The following RAB18 variants were observed in gnomAD, a reference collection of about 807,000 sequenced individuals.
The protein encoded by RAB18 is RAB18, member RAS oncogene family.
In RAB18, 10 loss-of-function variants were observed where a neutral mutation model predicts 28.5. The ratio of observed to expected loss-of-function variants is 0.35; its 90% CI spans 0.22 to 0.60. The LOEUF is 0.60. RAB18 is among the 20% of genes least tolerant of loss of function. The probability of loss-of-function intolerance (pLI) is 0.78; values close to 1 mark genes in which losing one functional copy is unlikely to be tolerated. For missense variants in RAB18, 188 were observed against 244.2 expected, an observed-to-expected ratio of 0.77 and a Z score of 1.53; for synonymous variants, 93 against 86.9, an observed-to-expected ratio of 1.07 and a Z score of -0.39.
At chr10:27,529,065 CTT>C (rs1417318916) in intron 3 of RAB18, among the ~76,000 whole-genome samples, 3 of 151,918 alleles carry the variant, frequency 2.0e-5, no homozygotes, top group Non-Finnish European at 4.4e-5. Context: ...ATTATTAGCT[CTT>C]TGTCATGTGG....
Position 27,504,333 on chromosome 10 carries a change from G to A in RAB18, c.-37G>A, listed in dbSNP as rs1353686517. Reference sequence around the variant, plus strand: ...TGCTGAAGGGCTGAGAGGCGCACCCGGGCGGCCAGCTGGGCTCGGAGCGGA... The same window carrying A: ...TGCTGAAGGGCTGAGAGGCGCACCCAGGCGGCCAGCTGGGCTCGGAGCGGA... On this transcript the variant is annotated 5_prime_UTR_variant, in exon 1 of 7. Coordinates refer to ENST00000356940, the MANE Select transcript of RAB18 (RefSeq NM_021252.5). The A allele has an allele frequency of 6.4e-7, 1 of 1,558,600 alleles. No homozygotes were observed. The highest frequency in any genetic ancestry group is 8.7e-7 in the Non-Finnish European group (1 of 1,151,724).
At position 27,520,820 on chromosome 10, in the gene RAB18, G is replaced by T. The variant is rs150099423; in HGVS notation, c.125-6008G>T. 3.0e-3 allele frequency among the ~76,000 whole-genome samples: 411 copies of T among 137,768 alleles called. 2 individuals are homozygous for T. The highest frequency in any genetic ancestry group is 0.011 in the African/African-American group (394 of 37,226). The allele number at this position is 137,768 out of a possible 152,430, so 90.4% of individuals were successfully genotyped here. ...TAATCCCAGCTACTAGGGAGGCTGG[G>T]ATGAGTAAACCACTTGAACCCAGGA... On this transcript the variant is annotated intron_variant, in intron 2 of 6. Coordinates refer to ENST00000356940, the MANE Select transcript of RAB18 (RefSeq NM_021252.5).
At position 27,541,126 on chromosome 10, in the gene RAB18, T is replaced by A. The variant is rs962812786; in HGVS notation, c.*3075T>A. On this transcript the variant is annotated 3_prime_UTR_variant, in exon 7 of 7. Coordinates refer to ENST00000356940, the MANE Select transcript of RAB18 (RefSeq NM_021252.5). ...CATTTCACTAGTAATACTTAGGAAG[T>A]TATTTTGTCTTTCCTGTATTTCCCT... 5.1e-5 allele frequency: 23 copies of A among 453,942 alleles called. No individual in the cohort carries two copies. In the Admixed American group the frequency reaches 5.4e-4, roughly 11 times the overall value. 28.1% of individuals were successfully genotyped at this position (453,942 alleles called of 1,614,324 possible).
rs75723628 is a variant in RAB18 at position 27,525,320 on chromosome 10, A to G, written c.125-1508A>G. ...TTGAGAATTTAACTGTAGAGTGTGCATGACAGAGGCTATCTCTGTGTAGTG... is the reference window on the plus strand; with the variant it reads ...TTGAGAATTTAACTGTAGAGTGTGCGTGACAGAGGCTATCTCTGTGTAGTG... On this transcript the variant is annotated intron_variant, in intron 2 of 6. Coordinates refer to ENST00000356940, the MANE Select transcript of RAB18 (RefSeq NM_021252.5). Among the ~76,000 whole-genome samples the G allele has an allele frequency of 9.9e-5, 15 of 152,284 alleles. No individual in the cohort carries two copies. The East Asian group carries it at 2.9e-3, about 29-fold the overall frequency.
chr10:27,533,630 A>G (rs1834832800), intron 4 of RAB18, 105 bp from the exon 5 acceptor site: 1 of 1,333,068 alleles, frequency 7.5e-7, no homozygotes, highest in South Asian at 1.3e-5. Context: ...TAAAAAAAAG[A>G]CTTGTCTATA....
At chr10:27,508,228 A>G (rs1191193285) in intron 1 of RAB18, among the ~76,000 whole-genome samples, 2 of 152,200 alleles carry the variant, frequency 1.3e-5, no homozygotes, top group South Asian at 4.1e-4. Flanking sequence ...CAGAGCCTGT[A>G]TTAAAATTTG....
intron 2 of RAB18, among the ~76,000 whole-genome samples, chr10:27,521,693 G>A (rs1004821441): frequency 3.3e-5 from 5 of 152,108 alleles, no homozygotes; most frequent in Non-Finnish European, 7.3e-5. Context: ...TTGGGGACTC[G>A]GGGAAGGGTG....
chr10:27,518,300 G>A (rs1307637649), intron 2 of RAB18, among the ~76,000 whole-genome samples: 1 of 152,084 alleles, frequency 6.6e-6, no homozygotes, highest in Non-Finnish European at 1.5e-5. Flanking sequence ...TTTAACTTTG[G>A]AAAACAGTTT....
Position 27,540,580 on chromosome 10 carries a change from G to A in RAB18, c.*2529G>A, listed in dbSNP as rs145293804. ...TAAGTCATGTGACATAAAAGTTAAG[G>A]TAGTGGAGTAGGTGGTCTTATTTCT... On this transcript the variant is annotated 3_prime_UTR_variant, in exon 7 of 7. Transcript: ENST00000356940. 1,205 of 454,098 alleles carry A rather than the reference G, an allele frequency of 2.7e-3. 26 individuals carry two copies. In the East Asian group the frequency reaches 0.043, roughly 16 times the overall value. 28.1% of individuals were successfully genotyped at this position (454,098 alleles called of 1,614,324 possible).
chr10:27,539,416 G>T lies in RAB18; in HGVS notation c.*1365G>T. ...TGTTTGTTAATTTACTTCATGTTGG[G>T]TTCTTTCTGAAATGTACATCTTTAC... On this transcript the variant is annotated 3_prime_UTR_variant, in exon 7 of 7. Transcript: ENST00000356940. 1 of 294,760 alleles carries T rather than the reference G, an allele frequency of 3.4e-6. No individual in the cohort carries two copies. Among genetic ancestry groups the T allele is most frequent in the Non-Finnish European group, 6.6e-6 (1 of 151,972 alleles). The allele number at this position is 294,760 out of a possible 1,614,324, so 18.3% of individuals were successfully genotyped here.
intron 3 of RAB18, chr10:27,527,168 A>C: frequency 4.1e-6 from 2 of 488,064 alleles, no homozygotes; most frequent in Non-Finnish European, 3.9e-6. Flanking sequence ...GAGAATCATA[A>C]TTGGATATGT....
intron 1 of RAB18, among the ~76,000 whole-genome samples, chr10:27,507,562 T>TG (rs397707946): frequency 1.3e-5 from 2 of 151,184 alleles, no homozygotes; most frequent in African/African-American, 4.9e-5. Context: ...TTTTTTTTTT[T>TG]GGTGAATTTC....
At chr10:27,532,125 T>A (rs1024830857) in intron 3 of RAB18, among the ~76,000 whole-genome samples, 3 of 145,768 alleles carry the variant, frequency 2.1e-5, no homozygotes, top group Admixed American at 6.8e-5. Flanking sequence ...TGGTAAGATT[T>A]AAAAAAAAAA....
intron 3 of RAB18, among the ~76,000 whole-genome samples, 151 bp from the exon 4 acceptor site, chr10:27,532,352 CAGTA>C (rs1303696724): frequency 6.6e-6 from 1 of 151,994 alleles, no homozygotes; most frequent in Non-Finnish European, 1.5e-5. Context: ...TGACACTTGT[CAGTA>C]AGCGAACACA....
rs1371263384 is a variant in RAB18, at chr10:27,540,676, T to C, written c.*2625T>C. 1 of 454,092 alleles carries C rather than the reference T, an allele frequency of 2.2e-6. No homozygotes were observed. The highest frequency in any genetic ancestry group is 6.9e-5 in the East Asian group (1 of 14,398). The allele number at this position is 454,092 out of a possible 1,614,324, so 28.1% of individuals were successfully genotyped here. ...CAAAGTTAGGGGACTTATGGTACCT[T>C]CACTTTTTATGTGAGAATAGAAATT... is the stretch of plus-strand genomic sequence containing the variant. On this transcript the variant is annotated 3_prime_UTR_variant, in exon 7 of 7. Transcript: ENST00000356940.
chr10:27,509,164 C>T (rs1023529614), intron 1 of RAB18, among the ~76,000 whole-genome samples: 1 of 152,142 alleles, frequency 6.6e-6, no homozygotes, highest in Non-Finnish European at 1.5e-5. Context: ...CTTGCCATAA[C>T]CATGGCGGTT....
chr10:27,520,859 G>T (rs1298254553), intron 2 of RAB18, among the ~76,000 whole-genome samples: 1 of 134,426 alleles, frequency 7.4e-6, no homozygotes, highest in Non-Finnish European at 1.6e-5. Flanking sequence ...AGAAGTTGCA[G>T]TGAGCCGGTA....
intron 2 of RAB18, among the ~76,000 whole-genome samples, chr10:27,511,016 C>T (rs1262056362): frequency 1.3e-5 from 2 of 152,082 alleles, no homozygotes; most frequent in African/African-American, 4.8e-5. Context: ...GACATGATGT[C>T]TTCAACGTCT....
At chr10:27,536,682 GT>G (rs1442043083) in intron 6 of RAB18, among the ~76,000 whole-genome samples, 1 of 152,218 alleles carries the variant, frequency 6.6e-6, no homozygotes, top group African/African-American at 2.4e-5. Flanking sequence ...GGCATGTTCA[GT>G]GTCCTGGAAG....
Sources: gnomAD v4.1 joint callset for allele counts (sites outside exome capture counted in the v4.1 genomes callset) on GRCh38, gnomAD v4.1.1 for gene constraint, MANE v1.5 for transcripts, NCBI Gene and HGNC (gene_info 2026-07-23, HGNC 2026-07-21) for gene names.